Variants in TMEM263 observed in about 807,000 individuals in gnomAD.
TMEM263 encodes UPF0444 transmembrane protein C12orf23.
In TMEM263, 5 loss-of-function variants were observed where a neutral mutation model predicts 8.6. The ratio of observed to expected loss-of-function variants is 0.58; its 90% CI spans 0.31 to 1.23. The LOEUF (loss-of-function observed/expected upper bound fraction) is 1.23. TMEM263 is among the 50% of genes most tolerant of loss of function. The pLI is 0.07. For synonymous variants in TMEM263, 50 were observed against 47.9 expected (o/e 1.04, Z -0.18); for missense variants, 104 against 138.8 (o/e 0.75, Z 1.26).
intron 2 of TMEM263, 73 bp from the exon 3 acceptor site, chr12:106,967,038 A>G (rs1167452670): frequency 8.3e-6 from 8 of 962,724 alleles, no homozygotes; most frequent in South Asian, 4.3e-5. Context: ...TGAAATCGCA[A>G]TTTAGCATGT....
rs117650853 is a variant in TMEM263 at position 106,967,165 on chromosome 12, G to A, written c.49G>A (p.Asp17Asn). The A allele has an allele frequency of 2.5e-3, 4,035 of 1,593,712 alleles. 89 individuals are homozygous for A. The Admixed American group carries it at 0.044, about 18-fold the overall frequency. Residue 17 changes from aspartate to asparagine, a missense_variant, in exon 3 of 4, where the codon GAT becomes AAT. Transcript: ENST00000280756. ...NQQEIPSYLN[D>N]EPPEGSMKDH... ...ACAAGAAATCCCATCATACCTTAAT[G>A]ATGAACCACCAGAAGGTAAGTATGC... is the stretch of plus-strand genomic sequence containing the variant.
In TMEM263 at chr12:106,971,897, A is replaced by G. The variant is rs1293238527; in HGVS notation, c.*506A>G. ...ATTTAAGCTGGCAAAATTAGCAGGA[A>G]TTAGAGAAGTTTAAAAAGATAAATG... On this transcript the variant is annotated 3_prime_UTR_variant, in exon 4 of 4. Coordinates refer to ENST00000280756, the MANE Select transcript of TMEM263 (RefSeq NM_152261.4). 6.5e-6 allele frequency: 1 copy of G among 152,858 alleles called. No homozygotes were observed. Among genetic ancestry groups the G allele is most frequent in the Non-Finnish European group, 1.5e-5 (1 of 68,208 alleles). 9.5% of individuals were successfully genotyped at this position (152,858 alleles called of 1,614,324 possible). A position where few individuals can be genotyped will look rare whatever the true frequency, so the allele number is the denominator to read the frequency against.
At chr12:106,957,219 T>TGCGC (rs1279798288) in intron 2 of TMEM263, 70 bp downstream of exon 2, 1 of 928,322 alleles carries the variant, frequency 1.1e-6, no homozygotes, top group Non-Finnish European at 1.3e-6. Flanking sequence ...TGTATGTGTG[T>TGCGC]GCGCGCTCGC....
chr12:106,972,358 C>T lies in TMEM263; in HGVS notation c.*967C>T, dbSNP rs1018979525. ...AAACACCCCAAATATAAAAAGAAGC[C>T]TTCACACCTATTCTGTCTTTAGGAT... On this transcript the variant is annotated 3_prime_UTR_variant, in exon 4 of 4. Transcript: ENST00000280756. The T allele has an allele frequency of 1.3e-5, 2 of 152,110 alleles. No individual in the cohort carries two copies. Among genetic ancestry groups the T allele is most frequent in the African/African-American group, 4.8e-5 (2 of 41,410 alleles). 9.4% of individuals were successfully genotyped at this position (152,110 alleles called of 1,614,324 possible). A position where few individuals can be genotyped will look rare whatever the true frequency, so the allele number is the denominator to read the frequency against.
At chr12:106,967,022 T>C in intron 2 of TMEM263, 89 bp from the exon 3 acceptor site, 1 of 803,718 alleles carries the variant, frequency 1.2e-6, no homozygotes, top group East Asian at 2.6e-5. Flanking sequence ...ATCTGAATAA[T>C]GTTGATGAAA....
chr12:106,962,308 G>T (rs933040508), intron 2 of TMEM263, among the ~76,000 whole-genome samples: 49 of 151,592 alleles, frequency 3.2e-4, no homozygotes, highest in African/African-American at 1.2e-3. Context: ...TGGGCATGAT[G>T]ATATATGCCT....
intron 1 of TMEM263, 89 bp downstream of exon 1, chr12:106,956,154 A>C (rs1951686439): frequency 1.5e-6 from 1 of 659,706 alleles, no homozygotes; most frequent in Non-Finnish European, 1.9e-6. Flanking sequence ...CCTGCCCCTC[A>C]CCTCCCAGTG....
intron 2 of TMEM263, 34 bp from the exon 3 acceptor site, chr12:106,967,077 T>G: frequency 7.0e-7 from 1 of 1,420,032 alleles, no homozygotes; most frequent in Non-Finnish European, 9.8e-7. Flanking sequence ...ATGTTGAGGT[T>G]AAAATGAAAT....
chr12:106,959,099 C>T (rs1951736165), intron 2 of TMEM263, among the ~76,000 whole-genome samples: 1 of 152,190 alleles, frequency 6.6e-6, no homozygotes, highest in African/African-American at 2.4e-5. Flanking sequence ...CACTGAACTC[C>T]TAATTGTGTA....
chr12:106,955,970 C>T lies in TMEM263; in HGVS notation c.-170C>T, dbSNP rs574878150. 11 of 986,412 alleles carry T rather than the reference C, an allele frequency of 1.1e-5. No individual in the cohort carries two copies. The highest frequency in any genetic ancestry group is 6.1e-5 in the Admixed American group (1 of 16,270). The allele number at this position is 986,412 out of a possible 1,614,324, so 61.1% of individuals were successfully genotyped here. A position where few individuals can be genotyped will look rare whatever the true frequency, so the allele number is the denominator to read the frequency against. On this transcript the variant is annotated 5_prime_UTR_variant, in exon 1 of 4. Coordinates refer to ENST00000280756, the MANE Select transcript of TMEM263 (RefSeq NM_152261.4). The stretch of plus-strand genomic sequence containing the variant: ...GAGCCGCGACTGCCCGGGGTTGTGC[C>T]GGCCGCCGCTGCCGCCCAGGCCGCC...
At chr12:106,968,221 C>A (rs1951870640) in intron 3 of TMEM263, among the ~76,000 whole-genome samples, 1 of 152,006 alleles carries the variant, frequency 6.6e-6, no homozygotes, top group Non-Finnish European at 1.5e-5. Context: ...TCCTATATTT[C>A]TTTTATTGGT....
intron 2 of TMEM263, among the ~76,000 whole-genome samples, chr12:106,964,493 A>G (rs1874099906): frequency 6.6e-6 from 1 of 152,232 alleles, no homozygotes; most frequent in Non-Finnish European, 1.5e-5. Context: ...TTTTAAAATT[A>G]GGGCACATCC....
rs182688335 is a variant in TMEM263, at chr12:106,969,776, A to C, written c.65-1329A>C. On this transcript the variant is annotated intron_variant, in intron 3 of 3. Transcript: ENST00000280756. ...TACTAAAGAGAAAAGACCTGTGTTC[A>C]CTGTGTTCATTTTAAGCTAGTGCAA... Among the ~76,000 whole-genome samples the C allele has an allele frequency of 2.8e-3, 432 of 151,842 alleles. 1 individual carries two copies. Among genetic ancestry groups the C allele is most frequent in the Middle Eastern group, 0.01 (3 of 294 alleles).
chr12:106,966,593 C>T (rs1056615817), intron 2 of TMEM263, among the ~76,000 whole-genome samples: 1 of 152,202 alleles, frequency 6.6e-6, no homozygotes, highest in Non-Finnish European at 1.5e-5. Context: ...TTCCCATTAG[C>T]AGTGTATAAG....
At position 106,970,233 on chromosome 12, in the gene TMEM263, G is replaced by A. The variant is rs138498464; in HGVS notation, c.65-872G>A. Among the ~76,000 whole-genome samples the A allele has an allele frequency of 1.2e-3, 187 of 152,202 alleles. 2 individuals are homozygous for A. Among genetic ancestry groups the A allele is most frequent in the African/African-American group, 4.1e-3 (169 of 41,554 alleles). On this transcript the variant is annotated intron_variant, in intron 3 of 3. Coordinates refer to ENST00000280756, the MANE Select transcript of TMEM263 (RefSeq NM_152261.4). ...TTCTTAAACTTTTTGGTTTCAGGAT[G>A]CCTTTACAATGTCAAAAATTGAGGC...
rs1951705177 is a variant in TMEM263 at position 106,957,108 on chromosome 12, G to T, written c.-48G>T. ...CTTTGAAACTTCTGCTGGTGTGAGT[G>T]CCCTCAGGGGTTCCCCAGGAATATC... is the stretch of plus-strand genomic sequence containing the variant. On this transcript the variant is annotated 5_prime_UTR_variant, in exon 2 of 4. Transcript: ENST00000280756. 1.0e-6 allele frequency: 1 copy of T among 985,660 alleles called. No homozygotes were observed. Among genetic ancestry groups the T allele is most frequent in the Non-Finnish European group, 1.2e-6 (1 of 830,162 alleles). The allele number at this position is 985,660 out of a possible 1,614,324, so 61.1% of individuals were successfully genotyped here.
Position 106,972,210 on chromosome 12 carries a change from G to A in TMEM263, c.*819G>A, listed in dbSNP as rs982141393. 2.0e-5 allele frequency: 3 copies of A among 152,202 alleles called. No homozygotes were observed. Among genetic ancestry groups the A allele is most frequent in the African/African-American group, 7.2e-5 (3 of 41,428 alleles). The allele number at this position is 152,202 out of a possible 1,614,324, so 9.4% of individuals were successfully genotyped here. ...TGTACACTTCTCAGCCTGGGTTCAT[G>A]CTTCATCATTAATACACCTCACAGT... is the stretch of plus-strand genomic sequence containing the variant. On this transcript the variant is annotated 3_prime_UTR_variant, in exon 4 of 4. Coordinates refer to ENST00000280756, the MANE Select transcript of TMEM263 (RefSeq NM_152261.4).
rs567334384 is a variant in TMEM263 at position 106,969,006 on chromosome 12, T to C, written c.64+1826T>C. On this transcript the variant is annotated intron_variant, in intron 3 of 3. Coordinates refer to ENST00000280756, the MANE Select transcript of TMEM263 (RefSeq NM_152261.4). ...TAAAAATTTGTATTAACTATACTTA[T>C]TAAGTAGTTTTAATAAAAATATTTG... is the stretch of plus-strand genomic sequence containing the variant. Among the ~76,000 whole-genome samples the C allele has an allele frequency of 2.5e-3, 375 of 152,358 alleles. 2 individuals are homozygous for C. The highest frequency in any genetic ancestry group is 4.2e-3 in the Non-Finnish European group (284 of 68,026).
chr12:106,960,596 G>C (rs929686946), intron 2 of TMEM263, among the ~76,000 whole-genome samples: 11 of 152,194 alleles, frequency 7.2e-5, no homozygotes, highest in African/African-American at 2.6e-4. Flanking sequence ...TTTTAGGCCA[G>C]AATGAACTCA....
Sources: gnomAD v4.1 joint callset for allele counts (sites outside exome capture counted in the v4.1 genomes callset) on GRCh38, gnomAD v4.1.1 for gene constraint, MANE v1.5 for transcripts, NCBI Gene and HGNC (gene_info 2026-07-23, HGNC 2026-07-21) for gene names.